LRP6: variants seen among roughly 807,000 people sequenced by gnomAD.
LRP6 encodes LDL receptor related protein 6.
A neutral mutation model predicts 184.1 loss-of-function variants in LRP6; 43 were observed. That is an observed-to-expected ratio of 0.23 (90% CI 0.18 to 0.30). The LOEUF is 0.30. LRP6 is among the 10% of genes least tolerant of loss of function. The probability of loss-of-function intolerance (pLI) is 1.00; values close to 1 mark genes in which losing one functional copy is unlikely to be tolerated. For synonymous variants in LRP6, 719 were observed against 684.9 expected, an observed-to-expected ratio of 1.05 and a Z score of -0.78; for missense variants, 1,571 against 2,005.3, an observed-to-expected ratio of 0.78 and a Z score of 4.14.
chr12:12,221,361 CA>C, intron 2 of LRP6, among the ~76,000 whole-genome samples: 1 of 152,134 alleles, frequency 6.6e-6, no homozygotes, highest in East Asian at 1.9e-4. Context: ...ACAAGATAAC[CA>C]GTTCTTGAAT....
chr12:12,162,099 T>C, intron 10 of LRP6, 94 bp downstream of exon 10: 1 of 972,720 alleles, frequency 1.0e-6, no homozygotes, highest in Non-Finnish European at 1.6e-6. Flanking sequence ...CTAATACGTA[T>C]TATTTAAAAC....
chr12:12,151,094 T>C, intron 12 of LRP6, 56 bp from the exon 13 acceptor site: 1 of 1,364,336 alleles, frequency 7.3e-7, no homozygotes, highest in Non-Finnish European at 1.0e-6. Context: ...TCCTCTATCA[T>C]CCAATGATTT....
At chr12:12,186,812 C>T (rs1863487510) in intron 4 of LRP6, 111 bp downstream of exon 4, 10 of 976,898 alleles carry the variant, frequency 1.0e-5, no homozygotes, top group East Asian at 7.2e-5. Flanking sequence ...TTTTTATTCC[C>T]GCCAACTATC....
chr12:12,242,585 G>A (rs1024460780), intron 2 of LRP6, among the ~76,000 whole-genome samples: 5 of 152,076 alleles, frequency 3.3e-5, no homozygotes, highest in Admixed American at 6.6e-5. Flanking sequence ...CACAAACTCC[G>A]TTTCTCAAAA....
At chr12:12,155,685 T>G in intron 12 of LRP6, 1 of 955,520 alleles carries the variant, frequency 1.0e-6, no homozygotes, top group South Asian at 1.3e-5. Context: ...AGCGCCAGCC[T>G]GCTCCACCCA....
At chr12:12,146,861 G>A (rs1204329751) in intron 15 of LRP6, among the ~76,000 whole-genome samples, 1 of 152,190 alleles carries the variant, frequency 6.6e-6, no homozygotes. Context: ...CATTAGAAAT[G>A]TATTATTTAC....
intron 2 of LRP6, among the ~76,000 whole-genome samples, chr12:12,222,477 G>A (rs1040901268): frequency 6.6e-6 from 1 of 151,296 alleles, no homozygotes; most frequent in Non-Finnish European, 1.5e-5. Flanking sequence ...TGAGGCAGGA[G>A]AATCGCTTGA....
At position 12,159,007 on chromosome 12, in the gene LRP6, G is replaced by A. The variant is rs1351650968; in HGVS notation, c.2613C>T (p.Gly871=). Residue 871 remains glycine (G), a synonymous_variant, in exon 12 of 23, where the codon GGC becomes GGT. Coordinates refer to ENST00000261349, the MANE Select transcript of LRP6 (RefSeq NM_002336.3). ...TSGQNRTIIQ[G]HLDYVMDILV... ...GGATGTCCATCACATAATCCAAATG[G>A]CCCTGAATGATGGTGCGGTTTTGGC... is the stretch of plus-strand genomic sequence containing the variant. 3 of 1,614,062 alleles carry A rather than the reference G, an allele frequency of 1.9e-6. No individual in the cohort carries two copies. The highest frequency in any genetic ancestry group is 2.5e-6 in the Non-Finnish European group (3 of 1,180,048).
chr12:12,146,472 G>A (rs1445143197), intron 15 of LRP6, among the ~76,000 whole-genome samples: 1 of 152,172 alleles, frequency 6.6e-6, no homozygotes, highest in Non-Finnish European at 1.5e-5. Context: ...ATGGACATCA[G>A]AAATTGGGGA....
At chr12:12,147,125 A>G (rs1196300205) in intron 15 of LRP6, among the ~76,000 whole-genome samples, 1 of 152,174 alleles carries the variant, frequency 6.6e-6, no homozygotes, top group Non-Finnish European at 1.5e-5. Flanking sequence ...CGTCTCAAAA[A>G]AAAAGAAATA....
intron 2 of LRP6, among the ~76,000 whole-genome samples, chr12:12,223,722 T>C (rs1215135744): frequency 6.6e-6 from 1 of 152,238 alleles, no homozygotes; most frequent in Non-Finnish European, 1.5e-5. Flanking sequence ...GTTAATCAAC[T>C]AACCTTATTT....
In LRP6 at chr12:12,147,387, T is replaced by C. The variant is rs748483518; in HGVS notation, c.3376A>G (p.Ile1126Val). 5 of 1,614,178 alleles carry C rather than the reference T, an allele frequency of 3.1e-6. No individual in the cohort carries two copies. In the South Asian group the frequency reaches 3.3e-5, roughly 11 times the overall value. ...LFWADSDLRR[I>V]ESSDLSGANR... ...GTACCTGAGAGATCACTGCTTTCAA[T>C]TCGCCGGAGATCTGAATCAGCCCAA... is the stretch of plus-strand genomic sequence containing the variant. The change falls in exon 15 of 23, where the codon ATT becomes GTT. Residue 1126 changes from isoleucine (I) to valine (V), a missense_variant. By Grantham distance (29) the Ile-to-Val change is conservative. Coordinates refer to ENST00000261349, the MANE Select transcript of LRP6 (RefSeq NM_002336.3).
At chr12:12,198,578 G>A (rs2137031423) in intron 3 of LRP6, among the ~76,000 whole-genome samples, 1 of 140,220 alleles carries the variant, frequency 7.1e-6, no homozygotes, top group Non-Finnish European at 1.5e-5. Context: ...TCGTCACCCA[G>A]GTTGGAGTGC....
At chr12:12,168,323 T>A (rs971521265) in intron 7 of LRP6, among the ~76,000 whole-genome samples, 1 of 152,058 alleles carries the variant, frequency 6.6e-6, no homozygotes, top group Non-Finnish European at 1.5e-5. Context: ...CAGGAAATAA[T>A]AGCAGTTGAA....
intron 7 of LRP6, among the ~76,000 whole-genome samples, chr12:12,165,933 T>C (rs1862867322): frequency 6.6e-6 from 1 of 152,220 alleles, no homozygotes; most frequent in South Asian, 2.1e-4. Context: ...GAAACTAGGA[T>C]GTACCTTCTC....
chr12:12,214,378 T>G (rs1864286686), intron 2 of LRP6, among the ~76,000 whole-genome samples: 1 of 152,232 alleles, frequency 6.6e-6, no homozygotes, highest in African/African-American at 2.4e-5. Flanking sequence ...ATAAGCTTCC[T>G]TTTCATAACA....
intron 2 of LRP6, among the ~76,000 whole-genome samples, chr12:12,210,614 T>A (rs962447456): frequency 4.6e-5 from 7 of 152,136 alleles, no homozygotes; most frequent in African/African-American, 1.7e-4. Flanking sequence ...AATCCAGAAG[T>A]GTTGAGCCAT....
rs1949581721 is a variant in LRP6, at chr12:12,120,025, ATATATATATATATATAT to A, written c.*1084_*1100del. 1.9e-4 allele frequency: 22 copies of A among 115,158 alleles called. No individual in the cohort carries two copies. Among genetic ancestry groups the A allele is most frequent in the African/African-American group, 6.7e-4 (22 of 32,970 alleles). 7.1% of individuals were successfully genotyped at this position (115,158 alleles called of 1,614,324 possible). On this transcript the variant is annotated 3_prime_UTR_variant, in exon 23 of 23. Transcript: ENST00000261349. ...TATATATATATATATATATATATAT[ATATATATATATATATAT>A]AAATGATTTCGTACTGTGATATATG...
At chr12:12,131,775 T>C in intron 18 of LRP6, 46 bp downstream of exon 18, 1 of 1,521,568 alleles carries the variant, frequency 6.6e-7, no homozygotes, top group African/African-American at 1.4e-5. Context: ...AACAACTGAA[T>C]GGGAAAAAAG....
Sources: allele counts gnomAD v4.1 joint callset (sites outside exome capture counted in the v4.1 genomes callset), GRCh38; gene constraint gnomAD v4.1.1; transcripts MANE v1.5; gene names NCBI Gene and HGNC (gene_info 2026-07-23, HGNC 2026-07-21).